The following LIMCH1 variants were observed in gnomAD, a reference collection of about 807,000 sequenced individuals.
LIMCH1 encodes LIM and calponin homology domains-containing protein 1.
Under a neutral mutation model 176.5 loss-of-function variants are expected in LIMCH1, and 113 were observed. The ratio of observed to expected loss-of-function variants is 0.64; its 90% CI spans 0.55 to 0.75. The LOEUF is 0.75. Among genes scored for constraint, LIMCH1 ranks in the 30% least tolerant of loss-of-function variants. LIMCH1 has a pLI of 0.00. For missense variants in LIMCH1, 1,674 were observed against 1,814.9 expected, an observed-to-expected ratio of 0.92 and a Z score of 1.41; for synonymous variants, 619 against 645.9, an observed-to-expected ratio of 0.96 and a Z score of 0.63.
chr4:41,565,810 A>C (rs760326520), intron 1 of LIMCH1, among the ~76,000 whole-genome samples: 1 of 152,090 alleles, frequency 6.6e-6, no homozygotes, highest in Non-Finnish European at 1.5e-5. Flanking sequence ...CTGAGTCTGG[A>C]CCAGGGTAGG....
At chr4:41,361,040 C>A (rs976025823) in intron 1 of LIMCH1, 2 of 716,378 alleles carry the variant, frequency 2.8e-6, no homozygotes, top group Admixed American at 3.4e-5. Context: ...CAACCGCCCC[C>A]ACTTTCTTTT....
chr4:41,682,534 T>C, intron 26 of LIMCH1, 74 bp downstream of exon 26: 1 of 1,411,742 alleles, frequency 7.1e-7, no homozygotes, highest in South Asian at 1.4e-5. Flanking sequence ...GGAAGGGTAC[T>C]CATTGCTGAT....
chr4:41,433,580 AGGTTTGGG>A (rs2061790522), intron 1 of LIMCH1, among the ~76,000 whole-genome samples: 1 of 152,030 alleles, frequency 6.6e-6, no homozygotes, highest in Non-Finnish European at 1.5e-5. Context: ...TCTACCTGGC[AGGTTTGGG>A]CGCCCTCATA....
At chr4:41,642,213 G>A (rs2093851465) in intron 14 of LIMCH1, among the ~76,000 whole-genome samples, 1 of 152,186 alleles carries the variant, frequency 6.6e-6, no homozygotes, top group Non-Finnish European at 1.5e-5. Flanking sequence ...GATGGTAAGA[G>A]GGTCCCAGCT....
chr4:41,414,691 A>G (rs1157619577), intron 1 of LIMCH1, among the ~76,000 whole-genome samples: 1 of 152,192 alleles, frequency 6.6e-6, no homozygotes, highest in Non-Finnish European at 1.5e-5. Context: ...GTGAAATTTC[A>G]TACTCCTAGA....
intron 7 of LIMCH1, among the ~76,000 whole-genome samples, chr4:41,624,526 A>G (rs561569642): frequency 2.0e-5 from 3 of 147,614 alleles, no homozygotes; most frequent in Admixed American, 2.0e-4. Context: ...GCGGTGCACA[A>G]GTAATTGCGG....
chr4:41,473,732 G>A (rs2067323856), intron 1 of LIMCH1, among the ~76,000 whole-genome samples: 1 of 152,178 alleles, frequency 6.6e-6, no homozygotes, highest in African/African-American at 2.4e-5. Flanking sequence ...AAAAGCTTCT[G>A]CACAGCGAAG....
In LIMCH1 at chr4:41,411,061, A is replaced by G. The variant is rs963318852; in HGVS notation, c.96+50125A>G. Among the ~76,000 whole-genome samples, 10 of 152,176 alleles carry G rather than the reference A, an allele frequency of 6.6e-5. 1 individual carries two copies. The highest frequency in any genetic ancestry group is 5.9e-5 in the Non-Finnish European group (4 of 68,028). ...CCATTGAAGACTCTTAGTCTTCTCA[A>G]ACTCAGCACTTGAATGATTGCCTGT... On this transcript the variant is annotated intron_variant, in intron 1 of 26. Transcript: ENST00000313860.
chr4:41,489,936 C>T (rs906841095), intron 1 of LIMCH1, among the ~76,000 whole-genome samples: 3 of 152,010 alleles, frequency 2.0e-5, no homozygotes, highest in Non-Finnish European at 4.4e-5. Flanking sequence ...ATATTATATA[C>T]TGTACTCTTT....
intron 1 of LIMCH1, among the ~76,000 whole-genome samples, chr4:41,568,673 G>A (rs2083094307): frequency 6.6e-6 from 1 of 152,202 alleles, no homozygotes; most frequent in Admixed American, 6.5e-5. Context: ...ATACTCAAAT[G>A]TAAATTGTCT....
intron 23 of LIMCH1, among the ~76,000 whole-genome samples, chr4:41,678,376 C>T (rs1025090946): frequency 6.6e-6 from 1 of 152,050 alleles, no homozygotes; most frequent in Admixed American, 6.6e-5. Flanking sequence ...AAGGTTAAGC[C>T]TTCAATACCA....
intron 28 of LIMCH1, 48 bp from the exon 29 acceptor site, chr4:41,687,792 G>T: frequency 2.6e-6 from 3 of 1,158,872 alleles, no homozygotes; most frequent in Admixed American, 1.8e-5. Flanking sequence ...AATGGAGTTT[G>T]GCTTCTCTTT....
intron 4 of LIMCH1, chr4:41,613,134 A>G (rs2091652280): frequency 4.0e-6 from 6 of 1,502,034 alleles, no homozygotes; most frequent in African/African-American, 1.4e-5. Flanking sequence ...GTTTTGAACT[A>G]TCATTGTACT....
intron 30 of LIMCH1, among the ~76,000 whole-genome samples, chr4:41,690,893 G>C (rs1586047976): frequency 6.6e-6 from 1 of 152,162 alleles, no homozygotes; most frequent in Non-Finnish European, 1.5e-5. Context: ...TCGTTGTAAA[G>C]ATTAACCTAG....
chr4:41,623,524 G>A (rs553059100), intron 7 of LIMCH1, among the ~76,000 whole-genome samples: 14 of 152,270 alleles, frequency 9.2e-5, no homozygotes, highest in African/African-American at 3.4e-4. Flanking sequence ...TTGGCAGGCC[G>A]AGGCGGGCGG....
chr4:41,615,369 A>G (rs1031529055), intron 5 of LIMCH1, among the ~76,000 whole-genome samples: 1 of 152,174 alleles, frequency 6.6e-6, no homozygotes, highest in Non-Finnish European at 1.5e-5. Flanking sequence ...CTAATATTAT[A>G]CTAATATGTA....
At chr4:41,547,863 G>GTGTGTATATATA (rs774873739) in intron 1 of LIMCH1, among the ~76,000 whole-genome samples, 4 of 93,220 alleles carry the variant, frequency 4.3e-5, no homozygotes, top group African/African-American at 1.3e-4. Flanking sequence ...TTGTGTGTGT[G>GTGTGTATATATA]TATATATATA....
chr4:41,643,749 A>G (rs1162686593), intron 14 of LIMCH1, among the ~76,000 whole-genome samples: 1 of 152,202 alleles, frequency 6.6e-6, no homozygotes, highest in Non-Finnish European at 1.5e-5. Flanking sequence ...AATACAAAAT[A>G]TATACCTAAT....
intron 1 of LIMCH1, among the ~76,000 whole-genome samples, chr4:41,435,404 C>T (rs1018405757): frequency 1.3e-5 from 2 of 152,124 alleles, no homozygotes; most frequent in African/African-American, 4.8e-5. Context: ...GGAAGGCAGC[C>T]CTGCCAACAT....
Sources: allele counts gnomAD v4.1 joint callset (sites outside exome capture counted in the v4.1 genomes callset), GRCh38; gene constraint gnomAD v4.1.1; transcripts MANE v1.5; gene names NCBI Gene and HGNC (gene_info 2026-07-23, HGNC 2026-07-21).